GSKIP: variants seen among roughly 807,000 people sequenced by gnomAD.
The protein encoded by GSKIP is GSK3B interacting protein, also known as GSK3B-interacting protein.
A neutral mutation model predicts 11.9 loss-of-function variants in GSKIP; 5 were observed. The observed-to-expected ratio is 0.42, with a 90% CI of 0.22 to 0.89. The LOEUF (loss-of-function observed/expected upper bound fraction) is 0.89. GSKIP is among the 40% of genes least tolerant of loss of function. GSKIP has a pLI of 0.29. For synonymous variants in GSKIP, 70 were observed against 62.9 expected (o/e 1.11, Z -0.54); for missense variants, 150 against 166.6 (o/e 0.90, Z 0.55).
chr14:96,368,284 A>C (rs1397800968), intron 1 of GSKIP, among the ~76,000 whole-genome samples: 2 of 151,316 alleles, frequency 1.3e-5, no homozygotes, highest in Non-Finnish European at 2.9e-5. Context: ...GGTTCAACCG[A>C]TCCTCCTACC....
At chr14:96,382,836 C>T (rs1000419344) in intron 3 of GSKIP, among the ~76,000 whole-genome samples, 10 of 152,072 alleles carry the variant, frequency 6.6e-5, no homozygotes, top group Non-Finnish European at 1.3e-4. Flanking sequence ...ATGGGTTTTG[C>T]AGTCACTGTG....
rs188617969 is a variant in GSKIP, at chr14:96,383,684, C to T, written c.258+1179C>T. Among the ~76,000 whole-genome samples the T allele has an allele frequency of 1.2e-4, 19 of 152,256 alleles. No homozygotes were observed. The East Asian group carries it at 3.1e-3, about 25-fold the overall frequency. On this transcript the variant is annotated intron_variant, in intron 3 of 3. Transcript: ENST00000555181. ...GATGAGTCGTGTATACTGTATATTC[C>T]TTGATGGAGCAAATTGCAAGGCCAG... is the stretch of plus-strand genomic sequence containing the variant.
At chr14:96,363,881 C>G (rs1888779785) in intron 1 of GSKIP, 1 of 152,354 alleles carries the variant, frequency 6.6e-6, no homozygotes, top group Non-Finnish European at 1.5e-5. Context: ...CGAGCATTGA[C>G]CGGTGCCCAT....
intron 1 of GSKIP, among the ~76,000 whole-genome samples, chr14:96,365,660 G>A (rs1888860596): frequency 6.6e-6 from 1 of 151,832 alleles, no homozygotes; most frequent in African/African-American, 2.4e-5. Context: ...GTGAAACCCT[G>A]TCTTTACCAA....
intron 1 of GSKIP, among the ~76,000 whole-genome samples, chr14:96,374,470 AC>A (rs1438316446): frequency 6.6e-6 from 1 of 152,186 alleles, no homozygotes; most frequent in South Asian, 2.1e-4. Context: ...AACAAAGATA[AC>A]AATCACATCA....
chr14:96,376,274 C>T (rs1370817117), intron 1 of GSKIP, among the ~76,000 whole-genome samples: 3 of 152,158 alleles, frequency 2.0e-5, no homozygotes, highest in Non-Finnish European at 4.4e-5. Context: ...ATTGGGCCAT[C>T]CCTGCATATC....
In GSKIP at chr14:96,385,614, C is replaced by A; in HGVS notation, c.350C>A (p.Ala117Asp). The change falls in exon 4 of 4, where the codon GCC becomes GAC. Residue 117 changes from alanine to aspartate, a missense_variant. Physicochemically the swap from Ala to Asp is moderately radical, Grantham distance 126. Coordinates refer to ENST00000555181, the MANE Select transcript of GSKIP (RefSeq NM_016472.5). ...TCCTTGTTGGATACACTCAGCCCCG[C>A]CTACCGAGAAGCATTTGGAAACGCA... Reference protein sequence around the residue: ...VYSLLDTLSPAYREAFGNALL... With the variant: ...VYSLLDTLSPDYREAFGNALL... The A allele has an allele frequency of 6.2e-7, 1 of 1,613,356 alleles. No individual in the cohort carries two copies. Among genetic ancestry groups the A allele is most frequent in the Non-Finnish European group, 8.5e-7 (1 of 1,179,598 alleles).
At chr14:96,384,756 TC>T (rs1426985289) in intron 3 of GSKIP, 2 of 152,016 alleles carry the variant, frequency 1.3e-5, no homozygotes, top group African/African-American at 4.8e-5. Flanking sequence ...AGGCTCTTGC[TC>T]CATTAACTTC....
intron 1 of GSKIP, chr14:96,378,886 T>C (rs188092243): frequency 1.3e-5 from 2 of 152,396 alleles, no homozygotes; most frequent in East Asian, 3.9e-4. Flanking sequence ...CAGCATGGGC[T>C]CTGGCCACAT....
chr14:96,366,447 T>G (rs1391710123), intron 1 of GSKIP, among the ~76,000 whole-genome samples: 1 of 152,250 alleles, frequency 6.6e-6, no homozygotes, highest in Non-Finnish European at 1.5e-5. Context: ...AAATTCAGTA[T>G]AAATGTTAAG....
At chr14:96,380,750 T>C (rs1889322415) in intron 2 of GSKIP, among the ~76,000 whole-genome samples, 1 of 152,202 alleles carries the variant, frequency 6.6e-6, no homozygotes, top group African/African-American at 2.4e-5. Context: ...TAGTCTCAAC[T>C]ACTCAGGCGG....
Position 96,386,663 on chromosome 14 carries a change from A to G in GSKIP, c.*979A>G, listed in dbSNP as rs1461652303. ...GTTCTGTCTCCATTCGAAATCTACA[A>G]TGTAATATGAGTGCATTGTATGGGT... On this transcript the variant is annotated 3_prime_UTR_variant, in exon 4 of 4. Coordinates refer to ENST00000555181, the MANE Select transcript of GSKIP (RefSeq NM_016472.5). The G allele has an allele frequency of 6.6e-6, 1 of 152,614 alleles. No homozygotes were observed. The highest frequency in any genetic ancestry group is 2.4e-5 in the African/African-American group (1 of 41,428). 9.5% of individuals were successfully genotyped at this position (152,614 alleles called of 1,614,324 possible).
intron 3 of GSKIP, among the ~76,000 whole-genome samples, chr14:96,385,107 C>T (rs1271300791): frequency 6.6e-6 from 1 of 151,794 alleles, no homozygotes; most frequent in Admixed American, 6.6e-5. Context: ...TATTATAGTA[C>T]TTAATATAGT....
At position 96,386,586 on chromosome 14, in the gene GSKIP, G is replaced by A. The variant is rs570190761; in HGVS notation, c.*902G>A. ...TGCTTCAACGTTTACTTTCTATGAT[G>A]TAGTGCTTTGGTATTCCTACAGCAC... is the stretch of plus-strand genomic sequence containing the variant. On this transcript the variant is annotated 3_prime_UTR_variant, in exon 4 of 4. Transcript: ENST00000555181. 30 of 152,726 alleles carry A rather than the reference G, an allele frequency of 2.0e-4. No homozygotes were observed. Among genetic ancestry groups the A allele is most frequent in the African/African-American group, 6.3e-4 (26 of 41,558 alleles). 9.5% of individuals were successfully genotyped at this position (152,726 alleles called of 1,614,324 possible).
At chr14:96,374,171 G>T (rs1422258627) in intron 1 of GSKIP, among the ~76,000 whole-genome samples, 1 of 152,038 alleles carries the variant, frequency 6.6e-6, no homozygotes, top group African/African-American at 2.4e-5. Context: ...AAGATTAAAA[G>T]ACACAAATAG....
In GSKIP at chr14:96,386,002, C is replaced by T. The variant is rs1376953724; in HGVS notation, c.*318C>T. On this transcript the variant is annotated 3_prime_UTR_variant, in exon 4 of 4. Transcript: ENST00000555181. Reference sequence around the variant, plus strand: ...TTGATGCTGCCAGCACTGTCTTTTACATAGGAAATTCTAGATTTGCACAGT... The same window carrying T: ...TTGATGCTGCCAGCACTGTCTTTTATATAGGAAATTCTAGATTTGCACAGT... 1.0e-5 allele frequency: 2 copies of T among 198,160 alleles called. No homozygotes were observed. The highest frequency in any genetic ancestry group is 2.1e-5 in the Non-Finnish European group (2 of 96,300). The allele number at this position is 198,160 out of a possible 1,614,324, so 12.3% of individuals were successfully genotyped here.
At position 96,385,706 on chromosome 14, in the gene GSKIP, G is replaced by C; in HGVS notation, c.*22G>C. The C allele has an allele frequency of 1.3e-6, 2 of 1,590,964 alleles. No individual in the cohort carries two copies. Among genetic ancestry groups the C allele is most frequent in the Non-Finnish European group, 1.7e-6 (2 of 1,167,530 alleles). The stretch of plus-strand genomic sequence containing the variant: ...ATGACTACACTTTTTCCTTTCAGAG[G>C]GGCTGGTGCTGGTACAGAATGTTGA... On this transcript the variant is annotated 3_prime_UTR_variant, in exon 4 of 4. Coordinates refer to ENST00000555181, the MANE Select transcript of GSKIP (RefSeq NM_016472.5).
At chr14:96,373,206 G>C (rs1462514662) in intron 1 of GSKIP, among the ~76,000 whole-genome samples, 5 of 145,752 alleles carry the variant, frequency 3.4e-5, no homozygotes, top group Non-Finnish European at 7.5e-5. Context: ...CTCCAGCCTG[G>C]GTGACAGAGC....
chr14:96,364,397 G>C (rs1888804923), intron 1 of GSKIP: 1 of 152,204 alleles, frequency 6.6e-6, no homozygotes, highest in African/African-American at 2.4e-5. Context: ...TTGTTGGGAA[G>C]ATTAAATGAT....
Sources: allele counts gnomAD v4.1 joint callset (sites outside exome capture counted in the v4.1 genomes callset), GRCh38; gene constraint gnomAD v4.1.1; transcripts MANE v1.5; gene names NCBI Gene and HGNC (gene_info 2026-07-23, HGNC 2026-07-21).